Variants in COL21A1 observed in about 807,000 individuals in gnomAD.
The protein encoded by COL21A1 is collagen alpha-1(XXI) chain.
In COL21A1, 149 loss-of-function variants were observed where a neutral mutation model predicts 137.9. The ratio of observed to expected loss-of-function variants is 1.08; its 90% confidence interval spans 0.95 to 1.24. COL21A1 has a LOEUF of 1.24. Ranked by LOEUF, COL21A1 falls within the 50% of genes most tolerant of loss-of-function variation. COL21A1 has a pLI of 0.00. For missense variants in COL21A1, 1,167 were observed against 1,158.4 expected (o/e 1.01, Z -0.11); for synonymous variants, 456 against 391.5 (o/e 1.16, Z -1.95).
At chr6:56,103,194 C>T (rs1305272966) in intron 16 of COL21A1, among the ~76,000 whole-genome samples, 2 of 152,006 alleles carry the variant, frequency 1.3e-5, no homozygotes, top group African/African-American at 4.8e-5. Flanking sequence ...AATTTCAGGC[C>T]ATACTGCAGC....
At chr6:56,286,361 A>C (rs1026159100) in intron 1 of COL21A1, among the ~76,000 whole-genome samples, 3 of 152,186 alleles carry the variant, frequency 2.0e-5, no homozygotes, top group Non-Finnish European at 4.4e-5. Context: ...ATACACGCAC[A>C]CATACCAATA....
intron 1 of COL21A1, among the ~76,000 whole-genome samples, chr6:56,293,508 T>C (rs1316263661): frequency 1.3e-5 from 2 of 152,144 alleles, no homozygotes; most frequent in African/African-American, 4.8e-5. Context: ...ATATTTACTA[T>C]GTAGAAACTA....
chr6:56,201,361 G>A (rs1235241078), intron 1 of COL21A1, among the ~76,000 whole-genome samples: 2 of 151,966 alleles, frequency 1.3e-5, no homozygotes, highest in African/African-American at 2.4e-5. Flanking sequence ...TTGGTGTTTT[G>A]GACACGAAGT....
chr6:56,261,886 T>C (rs1763285786), intron 1 of COL21A1, among the ~76,000 whole-genome samples: 1 of 152,182 alleles, frequency 6.6e-6, no homozygotes, highest in Non-Finnish European at 1.5e-5. Context: ...CTCTGATCAC[T>C]GCATCAGTGG....
intron 1 of COL21A1, among the ~76,000 whole-genome samples, chr6:56,388,487 C>G (rs2152353355): frequency 6.6e-6 from 1 of 152,304 alleles, no homozygotes; most frequent in East Asian, 1.9e-4. Context: ...TTATTTTACC[C>G]AAGTCAACCA....
Position 56,133,219 on chromosome 6 carries a change from G to A in COL21A1, c.1543-7070C>T, listed in dbSNP as rs567047888. Among the ~76,000 whole-genome samples the A allele has an allele frequency of 2.4e-3, 371 of 152,286 alleles. 1 individual carries two copies. Among genetic ancestry groups the A allele is most frequent in the Non-Finnish European group, 4.1e-3 (279 of 68,030 alleles). ...TTGACCAAAATGCTGACAATGACAT[G>A]GACAATGAAACCCAGGTTCAGGTGA... On this transcript the variant is annotated intron_variant, in intron 12 of 29. Coordinates refer to ENST00000244728, the MANE Select transcript of COL21A1 (RefSeq NM_030820.4).
At chr6:56,268,058 C>T (rs535891282) in intron 1 of COL21A1, among the ~76,000 whole-genome samples, 4 of 152,266 alleles carry the variant, frequency 2.6e-5, no homozygotes, top group African/African-American at 4.8e-5. Flanking sequence ...GAACCAGAGG[C>T]CGTTCCCAGT....
Position 56,186,678 on chromosome 6 carries a change from T to C in COL21A1, c.-38-4022A>G, listed in dbSNP as rs1363556273. 2.6e-5 allele frequency among the ~76,000 whole-genome samples: 4 copies of C among 152,102 alleles called. No individual in the cohort carries two copies. The South Asian group carries it at 8.3e-4, about 31-fold the overall frequency. On this transcript the variant is annotated intron_variant, in intron 1 of 29. Transcript: ENST00000244728. ...GACACAAGATTAATGGTTTCTTTAT[T>C]GGGAAAAAAATACCATTTTCAATAG...
At chr6:56,282,930 A>G (rs561537276) in intron 1 of COL21A1, among the ~76,000 whole-genome samples, 86 of 152,340 alleles carry the variant, frequency 5.6e-4, no homozygotes, top group Middle Eastern at 6.8e-3. Flanking sequence ...CTGAATTACT[A>G]TTAAGTTTTA....
At chr6:56,163,019 A>G (rs1280667365) in intron 9 of COL21A1, among the ~76,000 whole-genome samples, 1 of 152,240 alleles carries the variant, frequency 6.6e-6, no homozygotes. Context: ...TCAAATGTAT[A>G]CTTCTTAAAT....
At chr6:56,116,396 TAAAA>T (rs370697652) in intron 16 of COL21A1, among the ~76,000 whole-genome samples, 33,754 of 90,726 alleles carry the variant, frequency 0.37, 4,535 homozygotes, top group East Asian at 0.57. Flanking sequence ...GTGCCAAAGG[TAAAA>T]AAAAAAAAAA....
intron 3 of COL21A1, among the ~76,000 whole-genome samples, chr6:56,177,020 A>C (rs1394018207): frequency 6.6e-6 from 1 of 151,034 alleles, no homozygotes; most frequent in African/African-American, 2.4e-5. Flanking sequence ...AAGGAGGAGG[A>C]AGAAGAAGAG....
In COL21A1 at chr6:56,392,769, C is replaced by G. The variant is rs561837401; in HGVS notation, c.-39+1202G>C. Reference sequence around the variant, plus strand: ...AATAGCTACAAATAAAATTAAATGCCTAGGAATAATCTTACCCAATGAAGT... The same window carrying G: ...AATAGCTACAAATAAAATTAAATGCGTAGGAATAATCTTACCCAATGAAGT... On this transcript the variant is annotated intron_variant, in intron 1 of 28. Coordinates refer to the COL21A1 transcript ENST00000370819. Among the ~76,000 whole-genome samples the G allele has an allele frequency of 2.6e-5, 4 of 152,006 alleles. No homozygotes were observed. The East Asian group carries it at 7.7e-4, about 29-fold the overall frequency.
intron 12 of COL21A1, among the ~76,000 whole-genome samples, chr6:56,137,078 AT>A (rs1467090222): frequency 3.9e-5 from 6 of 152,158 alleles, no homozygotes; most frequent in African/African-American, 1.4e-4. Flanking sequence ...GGATCAAGGT[AT>A]TTTATTTCAA....
intron 1 of COL21A1, among the ~76,000 whole-genome samples, chr6:56,275,435 C>T (rs376101809): frequency 1.1e-4 from 17 of 151,962 alleles, no homozygotes; most frequent in South Asian, 8.3e-4. Context: ...AACCTACAAA[C>T]GGGGAGAAAA....
At chr6:56,121,582 A>G (rs1189579860) in intron 16 of COL21A1, among the ~76,000 whole-genome samples, 6 of 146,902 alleles carry the variant, frequency 4.1e-5, no homozygotes, top group Non-Finnish European at 7.4e-5. Flanking sequence ...ATGTATATGT[A>G]TATATATACA....
intron 1 of COL21A1, among the ~76,000 whole-genome samples, chr6:56,364,161 C>G (rs1465245937): frequency 6.6e-6 from 1 of 152,050 alleles, no homozygotes; most frequent in African/African-American, 2.4e-5. Flanking sequence ...TGCTGATGAG[C>G]TCTTTAGTGC....
At chr6:56,155,064 C>G (rs560560165) in intron 10 of COL21A1, among the ~76,000 whole-genome samples, 13 of 152,286 alleles carry the variant, frequency 8.5e-5, no homozygotes, top group South Asian at 4.1e-4. Flanking sequence ...CCCTCTCCCC[C>G]CTCCCACCTT....
chr6:56,075,287 A>G (rs1053227041), intron 19 of COL21A1, among the ~76,000 whole-genome samples, 192 bp downstream of exon 19: 1 of 151,436 alleles, frequency 6.6e-6, no homozygotes, highest in Non-Finnish European at 1.5e-5. Context: ...TGAGAAACTG[A>G]AGAAATCTTT....
Sources: gnomAD v4.1 joint callset for allele counts (sites outside exome capture counted in the v4.1 genomes callset) on GRCh38, gnomAD v4.1.1 for gene constraint, MANE v1.5 for transcripts, NCBI Gene and HGNC (gene_info 2026-07-23, HGNC 2026-07-21) for gene names.